CTNNA3: variants seen among roughly 807,000 people sequenced by gnomAD.
CTNNA3 encodes catenin alpha 3, also known as catenin alpha-3.
Under a neutral mutation model 95.7 loss-of-function variants are expected in CTNNA3, and 76 were observed. That is an observed-to-expected ratio of 0.79 (90% CI 0.66 to 0.96). CTNNA3 has a LOEUF of 0.96. CTNNA3 is among the 40% of genes least tolerant of loss of function. The pLI is 0.00. For synonymous variants in CTNNA3, 431 were observed against 374.4 expected, an observed-to-expected ratio of 1.15 and a Z score of -1.74; for missense variants, 1,191 against 1,089.8, an observed-to-expected ratio of 1.09 and a Z score of -1.31.
At chr10:65,938,533 T>A (rs1056278939) in intron 17 of CTNNA3, among the ~76,000 whole-genome samples, 3 of 152,156 alleles carry the variant, frequency 2.0e-5, no homozygotes, top group Non-Finnish European at 4.4e-5. Flanking sequence ...CAGAAGGAAG[T>A]CTGATTTATA....
intron 11 of CTNNA3, among the ~76,000 whole-genome samples, chr10:66,493,599 ATTTTTTTTTTT>A: frequency 8.9e-6 from 1 of 112,022 alleles, no homozygotes; most frequent in South Asian, 3.3e-4. Context: ...TAACTACAGT[ATTTTTTTTTTT>A]TTTTTTTTTG....
At chr10:66,127,891 A>G (rs746944607) in intron 13 of CTNNA3, among the ~76,000 whole-genome samples, 2 of 152,152 alleles carry the variant, frequency 1.3e-5, no homozygotes, top group Non-Finnish European at 2.9e-5. Flanking sequence ...CCTGGCCAAC[A>G]TGGTGAAACC....
At chr10:66,198,064 A>G (rs2087078193) in intron 13 of CTNNA3, among the ~76,000 whole-genome samples, 1 of 152,152 alleles carries the variant, frequency 6.6e-6, no homozygotes, top group South Asian at 2.1e-4. Flanking sequence ...CTAACTGTAC[A>G]TCTGATTCTT....
chr10:67,581,240 C>T (rs888690489), intron 3 of CTNNA3, among the ~76,000 whole-genome samples: 2 of 152,036 alleles, frequency 1.3e-5, no homozygotes, highest in Non-Finnish European at 2.9e-5. Context: ...CCCATCAACA[C>T]CTAGTTTATT....
chr10:66,901,845 G>A (rs964972199), intron 7 of CTNNA3, among the ~76,000 whole-genome samples: 1 of 152,176 alleles, frequency 6.6e-6, no homozygotes, highest in Non-Finnish European at 1.5e-5. Context: ...AAATATGTAT[G>A]CACCCAATAC....
At chr10:67,088,956 G>T (rs918375240) in intron 7 of CTNNA3, among the ~76,000 whole-genome samples, 1 of 151,794 alleles carries the variant, frequency 6.6e-6, no homozygotes, top group African/African-American at 2.4e-5. Context: ...AAATTAATAC[G>T]AATAGAACAA....
chr10:67,727,970 T>G (rs150665198), intron 1 of CTNNA3, among the ~76,000 whole-genome samples: 14,634 of 136,474 alleles, frequency 0.11, 1,039 homozygotes, highest in African/African-American at 0.2. Flanking sequence ...ATATAATAGA[T>G]GACACATAAT....
At chr10:66,418,848 A>G (rs1251564580) in intron 11 of CTNNA3, among the ~76,000 whole-genome samples, 1 of 152,144 alleles carries the variant, frequency 6.6e-6, no homozygotes, top group African/African-American at 2.4e-5. Context: ...AAAATTCTCA[A>G]CAAACTAGGC....
At chr10:66,934,288 C>T (rs968771619) in intron 7 of CTNNA3, among the ~76,000 whole-genome samples, 8 of 151,994 alleles carry the variant, frequency 5.3e-5, no homozygotes, top group South Asian at 2.1e-4. Flanking sequence ...TTTAAGGGCT[C>T]TCACTTCTCC....
intron 12 of CTNNA3, among the ~76,000 whole-genome samples, chr10:66,372,079 G>A (rs1400079218): frequency 6.6e-6 from 1 of 152,066 alleles, no homozygotes; most frequent in East Asian, 1.9e-4. Context: ...CTTTAACTGT[G>A]TTCCTATATG....
intron 11 of CTNNA3, among the ~76,000 whole-genome samples, chr10:66,443,420 C>T (rs1274189943): frequency 6.6e-6 from 1 of 152,178 alleles, no homozygotes; most frequent in African/African-American, 2.4e-5. Context: ...TAGGGGCAGA[C>T]TGACACCTCA....
intron 9 of CTNNA3, among the ~76,000 whole-genome samples, chr10:66,674,149 CT>C (rs1477768226): frequency 1.3e-5 from 2 of 151,968 alleles, no homozygotes; most frequent in Admixed American, 1.3e-4. Flanking sequence ...TGCCAAGATT[CT>C]CTAATATTTG....
chr10:66,685,434 G>A (rs367592132), intron 9 of CTNNA3, among the ~76,000 whole-genome samples: 2 of 119,048 alleles, frequency 1.7e-5, no homozygotes, highest in Admixed American at 1.1e-4. Context: ...GTGCAGTGGC[G>A]CTATCTCGGT....
At position 66,599,484 on chromosome 10, in the gene CTNNA3, G is replaced by C. The variant is rs144066844; in HGVS notation, c.1374+22208C>G. Among the ~76,000 whole-genome samples the C allele has an allele frequency of 2.3e-3, 351 of 152,070 alleles. 1 individual carries two copies. Among genetic ancestry groups the C allele is most frequent in the African/African-American group, 8.0e-3 (331 of 41,532 alleles). On this transcript the variant is annotated intron_variant, in intron 10 of 17. Coordinates refer to ENST00000433211, the MANE Select transcript of CTNNA3 (RefSeq NM_013266.4). ...TTTCTCCTAGGCTGCCCCCATGCTAGAGTTTGCTTTTCTATCCCAGAACTC... is the reference window on the plus strand; with the variant it reads ...TTTCTCCTAGGCTGCCCCCATGCTACAGTTTGCTTTTCTATCCCAGAACTC...
chr10:65,925,984 T>C (rs2077163282), intron 17 of CTNNA3, among the ~76,000 whole-genome samples: 1 of 150,788 alleles, frequency 6.6e-6, no homozygotes, highest in Non-Finnish European at 1.5e-5. Context: ...AAATATGTGA[T>C]AGGATATATA....
intron 15 of CTNNA3, among the ~76,000 whole-genome samples, chr10:66,021,269 A>T (rs1277290975): frequency 6.6e-6 from 1 of 152,172 alleles, no homozygotes; most frequent in African/African-American, 2.4e-5. Flanking sequence ...TTAGGAACTT[A>T]AGAGGCTGAA....
chr10:66,316,832 T>C (rs1039148049), intron 12 of CTNNA3, among the ~76,000 whole-genome samples: 3 of 152,166 alleles, frequency 2.0e-5, no homozygotes, highest in Admixed American at 6.5e-5. Flanking sequence ...CAGATAATTA[T>C]GTTTTAAAAC....
chr10:67,465,756 T>A (rs1357556431), intron 5 of CTNNA3, among the ~76,000 whole-genome samples: 1 of 152,106 alleles, frequency 6.6e-6, no homozygotes, highest in Admixed American at 6.6e-5. Flanking sequence ...AATGTTCTTT[T>A]ATTTGGAGAA....
chr10:65,973,185 T>C (rs986629211), intron 16 of CTNNA3, among the ~76,000 whole-genome samples: 5 of 152,142 alleles, frequency 3.3e-5, no homozygotes, highest in Admixed American at 2.6e-4. Context: ...TTTTTCATCA[T>C]CTAGAAAAAT....
Sources: allele counts gnomAD v4.1 joint callset (sites outside exome capture counted in the v4.1 genomes callset), GRCh38; gene constraint gnomAD v4.1.1; transcripts MANE v1.5; gene names NCBI Gene and HGNC (gene_info 2026-07-23, HGNC 2026-07-21).